Variants in EPG5 observed in about 807,000 individuals in gnomAD.
EPG5 encodes ectopic P-granules 5 autophagy tethering factor.
In EPG5, 159 loss-of-function variants were observed where a neutral mutation model predicts 302.7. The observed-to-expected ratio is 0.53, with a 90% CI of 0.46 to 0.60. The LOEUF is 0.60. Ranked by LOEUF, EPG5 falls within the 20% of genes least tolerant of loss-of-function variation. EPG5 has a pLI of 0.00. For missense variants in EPG5, 2,896 were observed against 3,092.4 expected, an observed-to-expected ratio of 0.94 and a Z score of 1.51; for synonymous variants, 1,158 against 1,136.8, an observed-to-expected ratio of 1.02 and a Z score of -0.37.
chr18:45,837,809 G>T, the EPG5 span: 25 of 1,526,402 alleles, frequency 1.6e-5, no homozygotes, highest in Non-Finnish European at 2.1e-5. Flanking sequence ...CCTGGCTGAC[G>T]ACCGCCGCTA....
At chr18:45,958,604 C>T (rs1185919550) in intron 1 of EPG5, among the ~76,000 whole-genome samples, 1 of 152,142 alleles carries the variant, frequency 6.6e-6, no homozygotes, top group Non-Finnish European at 1.5e-5. Context: ...AACTGGATAT[C>T]CTCATATGAA....
intron 28 of EPG5, among the ~76,000 whole-genome samples, chr18:45,889,401 A>C (rs180867994): frequency 3.3e-4 from 50 of 152,348 alleles, no homozygotes; most frequent in African/African-American, 1.2e-3. Context: ...TTCCTGGGTA[A>C]ATGTGACTTT....
At chr18:45,867,045 C>A (rs756303216) in intron 37 of EPG5, 38 bp from the exon 38 acceptor site, 1 of 1,505,442 alleles carries the variant, frequency 6.6e-7, no homozygotes, top group South Asian at 1.1e-5. Context: ...TTCCAGAGCC[C>A]CAATTTTTCC....
chr18:45,887,039 G>C (rs1486753967), intron 29 of EPG5, among the ~76,000 whole-genome samples: 1 of 152,104 alleles, frequency 6.6e-6, no homozygotes, highest in Non-Finnish European at 1.5e-5. Context: ...TTACTTCCTT[G>C]TAAGCATCCA....
chr18:45,876,061 A>AG (rs1322971382), intron 35 of EPG5, among the ~76,000 whole-genome samples, 175 bp downstream of exon 35: 2 of 150,744 alleles, frequency 1.3e-5, no homozygotes, highest in East Asian at 3.9e-4. Flanking sequence ...CATCTCCAAA[A>AG]GAAAAAAAAA....
intron 35 of EPG5, among the ~76,000 whole-genome samples, chr18:45,871,850 T>C (rs562509639): frequency 1.3e-5 from 2 of 152,212 alleles, no homozygotes; most frequent in South Asian, 4.2e-4. Context: ...GCAGGAGGAA[T>C]AGGTTTCAGG....
chr18:45,918,262 C>A (rs1304935885), intron 16 of EPG5, among the ~76,000 whole-genome samples: 1 of 152,186 alleles, frequency 6.6e-6, no homozygotes, highest in African/African-American at 2.4e-5. Context: ...GGTTGACTAT[C>A]CCTTAACTGA....
intron 28 of EPG5, among the ~76,000 whole-genome samples, chr18:45,888,556 C>T (rs1172143888): frequency 6.6e-6 from 1 of 152,082 alleles, no homozygotes; most frequent in Admixed American, 6.5e-5. Context: ...CTGCCCGCCT[C>T]GGCCTCCCAA....
At position 45,939,904 on chromosome 18, in the gene EPG5, G is replaced by A. The variant is rs369149740; in HGVS notation, c.1944-149C>T. 9 of 702,610 alleles carry A rather than the reference G, an allele frequency of 1.3e-5. No individual in the cohort carries two copies. The African/African-American group carries it at 1.4e-4, about 11-fold the overall frequency. The allele number at this position is 702,610 out of a possible 1,614,324, so 43.5% of individuals were successfully genotyped here. ...GTCCAGGTTCTGAAACTAATGAAAT[G>A]GGGAAAATAAAATCCTACCTTCATG... is the stretch of plus-strand genomic sequence containing the variant. On this transcript the variant is annotated intron_variant, in intron 9 of 43. Coordinates refer to ENST00000282041, the MANE Select transcript of EPG5 (RefSeq NM_020964.3).
intron 10 of EPG5, among the ~76,000 whole-genome samples, chr18:45,936,793 A>G (rs1338789514): frequency 6.6e-6 from 1 of 151,666 alleles, no homozygotes. Flanking sequence ...TTAAAAAAAA[A>G]AAAACTTAAA....
intron 7 of EPG5, among the ~76,000 whole-genome samples, chr18:45,945,682 CAT>C (rs2050771758): frequency 6.6e-6 from 1 of 152,134 alleles, no homozygotes; most frequent in Non-Finnish European, 1.5e-5. Flanking sequence ...CTAAAAAAAA[CAT>C]ATTGCTCCAC....
In EPG5 at chr18:45,884,588, A is replaced by G. The variant is rs898794899; in HGVS notation, c.5304+29T>C. On this transcript the variant is annotated intron_variant, in intron 30 of 43. Coordinates refer to ENST00000282041, the MANE Select transcript of EPG5 (RefSeq NM_020964.3). ...GCAACAATCATTCCTACGTTTCAAC[A>G]ATATGGTGAGGATGGAATTACATCT... The G allele has an allele frequency of 5.8e-6, 9 of 1,555,670 alleles. No homozygotes were observed. The East Asian group carries it at 2.2e-4, about 37-fold the overall frequency.
At chr18:45,927,275 G>A (rs1444389895) in intron 13 of EPG5, among the ~76,000 whole-genome samples, 10 of 151,990 alleles carry the variant, frequency 6.6e-5, no homozygotes, top group Non-Finnish European at 1.0e-4. Flanking sequence ...TCCTGACCTC[G>A]TGATCCACCC....
At position 45,948,502 on chromosome 18, in the gene EPG5, C is replaced by T. The variant is rs1284326426; in HGVS notation, c.1571+1G>A. ...ACTTCACAAAGCTCTTGCACACTTA[C>T]TTGACAGGAGACATCAGCAGGGCAA... is the stretch of plus-strand genomic sequence containing the variant. On this transcript the variant is annotated splice_donor_variant, in intron 6 of 43. Transcript: ENST00000282041. LOFTEE classifies it high-confidence loss of function. 1.9e-6 allele frequency: 3 copies of T among 1,611,878 alleles called. No individual in the cohort carries two copies. The highest frequency in any genetic ancestry group is 2.5e-6 in the Non-Finnish European group (3 of 1,178,026).
chr18:45,823,867 C>T, the EPG5 span, among the ~76,000 whole-genome samples: 1 of 152,192 alleles, frequency 6.6e-6, no homozygotes, highest in African/African-American at 2.4e-5. Context: ...AAATACCTCT[C>T]CAGCACCTAT....
chr18:45,916,366 A>G, intron 18 of EPG5, 72 bp downstream of exon 18: 1 of 1,569,248 alleles, frequency 6.4e-7, no homozygotes, highest in Non-Finnish European at 8.7e-7. Context: ...CTAAAACCTA[A>G]GTGTGCTAAC....
chr18:45,825,670 C>T, the EPG5 span: 9 of 1,588,190 alleles, frequency 5.7e-6, no homozygotes, highest in Admixed American at 3.4e-5. Context: ...CCTGGGAGGG[C>T]CCTCACTGGG....
rs989077065 is a variant in EPG5, at chr18:45,872,786, C to T, written c.6050-2044G>A. Among the ~76,000 whole-genome samples the T allele has an allele frequency of 3.9e-5, 6 of 152,142 alleles. 1 individual carries two copies. The highest frequency in any genetic ancestry group is 7.2e-5 in the African/African-American group (3 of 41,420). The stretch of plus-strand genomic sequence containing the variant: ...TGCTTGTACCCTCAATTCCACAACC[C>T]GGCATGGAACAGGAATGCACATTTT... On this transcript the variant is annotated intron_variant, in intron 35 of 43. Transcript: ENST00000282041.
chr18:45,934,242 G>A (rs1285824578), intron 11 of EPG5, among the ~76,000 whole-genome samples: 3 of 151,888 alleles, frequency 2.0e-5, no homozygotes, highest in Non-Finnish European at 4.4e-5. Flanking sequence ...TCAGCCAAGA[G>A]CACACCACTC....
Sources: gnomAD v4.1 joint callset for allele counts (sites outside exome capture counted in the v4.1 genomes callset) on GRCh38, gnomAD v4.1.1 for gene constraint, MANE v1.5 for transcripts, NCBI Gene and HGNC (gene_info 2026-07-23, HGNC 2026-07-21) for gene names.